CHRNG: variants seen among roughly 807,000 people sequenced by gnomAD.
The protein encoded by CHRNG is acetylcholine receptor subunit gamma.
A neutral mutation model predicts 65.2 loss-of-function variants in CHRNG; 72 were observed. That is an observed-to-expected ratio of 1.10 (90% confidence interval 0.91 to 1.34). The LOEUF (loss-of-function observed/expected upper bound fraction) is 1.34, where lower values mean the gene tolerates loss of function less well. Among genes scored for constraint, CHRNG ranks in the 40% most tolerant of loss-of-function variants. The pLI is 0.00. For missense variants in CHRNG, 637 were observed against 680.1 expected (o/e 0.94, Z 0.70); for synonymous variants, 284 against 290.2 (o/e 0.98, Z 0.22).
In CHRNG at chr2:232,539,987, T is replaced by C. The variant is rs1691980372; in HGVS notation, c.56-5T>C. 6.2e-7 allele frequency: 1 copy of C among 1,614,032 alleles called. No homozygotes were observed. Among genetic ancestry groups the C allele is most frequent in the African/African-American group, 1.3e-5 (1 of 74,928 alleles). On this transcript the variant is annotated splice_region_variant and splice_polypyrimidine_tract_variant and intron_variant, in intron 1 of 11. Coordinates refer to ENST00000651502, the MANE Select transcript of CHRNG (RefSeq NM_005199.5). Reference sequence around the variant, plus strand: ...TCCTGCTAGGCTCACGCCTGTCTATTGCAGGGGCCCAGGGCCGGAACCAGG... The same window carrying C: ...TCCTGCTAGGCTCACGCCTGTCTATCGCAGGGGCCCAGGGCCGGAACCAGG...
rs2106224008 is a variant in CHRNG at position 232,545,976 on chromosome 2, C to T, written c.*260C>T. On this transcript the variant is annotated 3_prime_UTR_variant, in exon 12 of 12. Transcript: ENST00000651502. The stretch of plus-strand genomic sequence containing the variant: ...GCTAGCTCATCCTGGCACCAGCCAC[C>T]CCTCCACTCAGTGCACTCCCCTCAC... 3.3e-6 allele frequency: 2 copies of T among 597,824 alleles called. No homozygotes were observed. The highest frequency in any genetic ancestry group is 6.1e-6 in the Non-Finnish European group (2 of 328,614). The allele number at this position is 597,824 out of a possible 1,614,324, so 37.0% of individuals were successfully genotyped here. A position where few individuals can be genotyped will look rare whatever the true frequency, so the allele number is the denominator to read the frequency against.
In CHRNG at chr2:232,540,443, C is replaced by T. The variant is rs1691993177; in HGVS notation, c.240+18C>T. On this transcript the variant is annotated intron_variant, in intron 3 of 11. Coordinates refer to ENST00000651502, the MANE Select transcript of CHRNG (RefSeq NM_005199.5). The surrounding 1 kb of genome is among the most constrained non-coding windows in gnomAD (Gnocchi z 4.2). The stretch of plus-strand genomic sequence containing the variant: ...TAGAGATGGTAAGAGGCCACCCTGC[C>T]ACCCTCCTTCCATCAGGGGTCCCAC... 1 of 1,613,418 alleles carries T rather than the reference C, an allele frequency of 6.2e-7. No homozygotes were observed. Among genetic ancestry groups the T allele is most frequent in the Non-Finnish European group, 8.5e-7 (1 of 1,179,932 alleles).
At position 232,541,805 on chromosome 2, in the gene CHRNG, G is replaced by A. The variant is rs2106220872; in HGVS notation, c.506+276G>A. 1.8e-6 allele frequency: 1 copy of A among 547,060 alleles called. No individual in the cohort carries two copies. Among genetic ancestry groups the A allele is most frequent in the Non-Finnish European group, 3.3e-6 (1 of 302,918 alleles). The allele number at this position is 547,060 out of a possible 1,614,324, so 33.9% of individuals were successfully genotyped here. On this transcript the variant is annotated intron_variant, in intron 5 of 11. Transcript: ENST00000651502. This position sits in a 1 kb window ranked among gnomAD's most constrained non-coding sequence, Gnocchi z 4.0. ...ACATTCACGCCTGGGGTGCGTGGGT[G>A]AGAAGGCACACATGCACACAAGATG...
chr2:232,542,445 G>C lies in CHRNG; in HGVS notation c.529G>C (p.Glu177Gln). 6.2e-7 allele frequency: 1 copy of C among 1,613,886 alleles called. No individual in the cohort carries two copies. The highest frequency in any genetic ancestry group is 1.1e-5 in the South Asian group (1 of 91,052). ...IFQSQTYSTN[E>Q]IDLQLSQEDG... ...CAGGTCCCAGACTTACAGCACCAAT[G>C]AGATTGATCTGCAGCTGAGTCAGGA... is the stretch of plus-strand genomic sequence containing the variant. The change falls in exon 6 of 12, where the codon GAG becomes CAG. Residue 177 changes from glutamate (E) to glutamine (Q), a missense_variant. Transcript: ENST00000651502.
At chr2:232,545,421 A>C (rs1692108570) in intron 11 of CHRNG, 122 bp from the exon 12 acceptor site, 3 of 901,232 alleles carry the variant, frequency 3.3e-6, no homozygotes, top group Non-Finnish European at 5.3e-6. Context: ...GGACCCGGAC[A>C]TAGGTAAGAA....
Position 232,543,285 on chromosome 2 carries a change from G to C in CHRNG, c.816G>C (p.Gln272His). Residue 272 changes from glutamine to histidine, a missense_variant, in exon 8 of 12, where the codon CAG (glutamine) becomes CAC (histidine). Physicochemically the swap from Gln to His is conservative, Grantham distance 24. Coordinates refer to ENST00000651502, the MANE Select transcript of CHRNG (RefSeq NM_005199.5). ...CTCGGTCATGGATAGCTGGGGGCCA[G>C]AAGTGTACCGTCGCCATCAACGTGC... ...IHFLPAKAGGQKCTVAINVLL... is the reference protein window; with the variant it reads ...IHFLPAKAGGHKCTVAINVLL... 1 of 1,613,974 alleles carries C rather than the reference G, an allele frequency of 6.2e-7. No homozygotes were observed. The highest frequency in any genetic ancestry group is 8.5e-7 in the Non-Finnish European group (1 of 1,179,860).
chr2:232,543,562 TCCTGCCCACCCCAC>T lies in CHRNG; in HGVS notation c.921-18_921-5del, dbSNP rs1692063269. The stretch of plus-strand genomic sequence containing the variant: ...TGGCATCATGGTATGGGCTGCCAGC[TCCTGCCCACCCCAC>T]CCTGACAGGTACCTGACCTTCCTCC... On this transcript the variant is annotated splice_polypyrimidine_tract_variant and intron_variant, in intron 8 of 11. Transcript: ENST00000651502. 2.0e-6 allele frequency: 3 copies of T among 1,501,500 alleles called. No individual in the cohort carries two copies. The highest frequency in any genetic ancestry group is 2.8e-6 in the Non-Finnish European group (3 of 1,078,076). 93.0% of individuals were successfully genotyped at this position (1,501,500 alleles called of 1,614,324 possible). A position where few individuals can be genotyped will look rare whatever the true frequency, so the allele number is the denominator to read the frequency against.
At chr2:232,543,846 T>C (rs536531746) in intron 9 of CHRNG, 147 bp downstream of exon 9, 1 of 690,090 alleles carries the variant, frequency 1.4e-6, no homozygotes, top group East Asian at 2.7e-5. Context: ...TCGATTACAG[T>C]AATACAGGAA....
rs1692133652 is a variant in CHRNG at position 232,546,306 on chromosome 2, CTCTTT to C, written c.*592_*596del. ...AGACGATTTCCTGAGTTTTGTAATC[CTCTTT>C]TTTTTTTTTTTTTTTTTAGTTTTTG... is the stretch of plus-strand genomic sequence containing the variant. On this transcript the variant is annotated 3_prime_UTR_variant, in exon 12 of 12. Transcript: ENST00000651502. The C allele has an allele frequency of 1.5e-5, 2 of 132,636 alleles. No individual in the cohort carries two copies. The highest frequency in any genetic ancestry group is 7.8e-5 in the Admixed American group (1 of 12,742). The allele number at this position is 132,636 out of a possible 1,614,324, so 8.2% of individuals were successfully genotyped here.
In CHRNG at chr2:232,548,082, C is replaced by A. The variant is rs1480023300; in HGVS notation, c.*2366C>A. The A allele has an allele frequency of 8.2e-6, 5 of 611,934 alleles. No individual in the cohort carries two copies. The highest frequency in any genetic ancestry group is 1.4e-5 in the Non-Finnish European group (5 of 360,332). 37.9% of individuals were successfully genotyped at this position (611,934 alleles called of 1,614,324 possible). ...ATATACATACCTAAATTTAAAAATA[C>A]TTTATTGCTAAAAAATGCTGATTAT... On this transcript the variant is annotated 3_prime_UTR_variant, in exon 12 of 12. Transcript: ENST00000651502.
At position 232,545,928 on chromosome 2, in the gene CHRNG, C is replaced by T; in HGVS notation, c.*212C>T. ...GTGGGCCGTGGCTAGTGTCCTGCTGCAGTCAGCACACACGTGGGATTGGCT... is the reference window on the plus strand; with the variant it reads ...GTGGGCCGTGGCTAGTGTCCTGCTGTAGTCAGCACACACGTGGGATTGGCT... On this transcript the variant is annotated 3_prime_UTR_variant, in exon 12 of 12. Transcript: ENST00000651502. The T allele has an allele frequency of 1.5e-6, 1 of 651,060 alleles. No homozygotes were observed. Among genetic ancestry groups the T allele is most frequent in the Non-Finnish European group, 2.8e-6 (1 of 359,558 alleles). 40.3% of individuals were successfully genotyped at this position (651,060 alleles called of 1,614,324 possible).
At chr2:232,544,953 A>G in intron 11 of CHRNG, 51 bp downstream of exon 11, 2 of 1,611,212 alleles carry the variant, frequency 1.2e-6, no homozygotes, top group East Asian at 4.5e-5. Flanking sequence ...TGGGCTTGGA[A>G]CCGTGATAGA....
chr2:232,542,793 T>C (rs565093373), intron 6 of CHRNG, 89 bp from the exon 7 acceptor site: 208 of 1,188,210 alleles, frequency 1.8e-4, no homozygotes, highest in Non-Finnish European at 2.4e-4. Context: ...TTAGGGCACA[T>C]GCTGCCCTTG....
At position 232,545,667 on chromosome 2, in the gene CHRNG, C is replaced by T; in HGVS notation, c.1505C>T (p.Ala502Val). ...FLMAHYNRVP[A>V]LPFPGDPRPY... is the part of the protein sequence containing the mutation. ...ATGGCCCACTACAACCGGGTGCCGG[C>T]CCTGCCATTCCCTGGAGATCCACGC... Residue 502 changes from alanine (A) to valine (V), a missense_variant, in exon 12 of 12, where the codon GCC becomes GTC. Physicochemically the swap from Ala to Val is moderately conservative, Grantham distance 64. Transcript: ENST00000651502. 6.2e-7 allele frequency: 1 copy of T among 1,614,206 alleles called. No individual in the cohort carries two copies. The highest frequency in any genetic ancestry group is 8.5e-7 in the Non-Finnish European group (1 of 1,180,042).
chr2:232,544,324 T>C (rs1338639636), intron 9 of CHRNG, 43 bp from the exon 10 acceptor site: 21 of 1,487,586 alleles, frequency 1.4e-5, no homozygotes, highest in Non-Finnish European at 1.9e-5. Context: ...GCTTCTGCTC[T>C]GAAGCTCGGC....
At position 232,541,407 on chromosome 2, in the gene CHRNG, C is replaced by CAGT. The variant is rs1302022316; in HGVS notation, c.385_386insGTA (p.Cys128_Asn129insSer). On this transcript the variant is annotated inframe_insertion, in exon 5 of 12. Coordinates refer to ENST00000651502, the MANE Select transcript of CHRNG (RefSeq NM_005199.5). The surrounding 1 kb of genome is among the most constrained non-coding windows in gnomAD (Gnocchi z 4.0). ...GTGTCTTCGAGGTGGCCCTCTACTGCAATGTGCTCGTGTCCCCTGACGGCT... is the reference window on the plus strand; with the variant it reads ...GTGTCTTCGAGGTGGCCCTCTACTGCAGTAATGTGCTCGTGTCCCCTGACGGCT... 1 of 1,614,124 alleles carries CAGT rather than the reference C, an allele frequency of 6.2e-7. No homozygotes were observed. Among genetic ancestry groups the CAGT allele is most frequent in the Non-Finnish European group, 8.5e-7 (1 of 1,179,982 alleles).
At position 232,540,558 on chromosome 2, in the gene CHRNG, TGCA is replaced by T; in HGVS notation, c.241-39_241-37del. 1.2e-6 allele frequency: 2 copies of T among 1,602,988 alleles called. No individual in the cohort carries two copies. The highest frequency in any genetic ancestry group is 1.7e-5 in the Admixed American group (1 of 59,416). On this transcript the variant is annotated intron_variant, in intron 3 of 11. Transcript: ENST00000651502. This position sits in a 1 kb window ranked among gnomAD's most constrained non-coding sequence, Gnocchi z 4.2. ...TGGATGCCCACTCCTAGGGCTGTGG[TGCA>T]GCAGAGGGCAGAGGCCTAGCAACTG...
At chr2:232,543,220 C>G in intron 7 of CHRNG, 55 bp from the exon 8 acceptor site, 1 of 1,547,832 alleles carries the variant, frequency 6.5e-7, no homozygotes, top group Non-Finnish European at 8.9e-7. Flanking sequence ...TAAGGGGTTC[C>G]TCTGTGGGTG....
chr2:232,543,125 G>A (rs1692052097), intron 7 of CHRNG, 43 bp downstream of exon 7: 1 of 1,596,074 alleles, frequency 6.3e-7, no homozygotes, highest in Non-Finnish European at 8.6e-7. Flanking sequence ...TAGCACAGGG[G>A]ACACCTGGGA....
Sources: gnomAD v4.1 joint callset for allele counts on GRCh38, gnomAD v4.1.1 for gene constraint, Gnocchi (gnomAD v3.1) non-coding constraint, MANE v1.5 for transcripts, NCBI Gene and HGNC (gene_info 2026-07-23, HGNC 2026-07-21) for gene names.